The following APOB variants were observed in gnomAD, a reference collection of about 807,000 sequenced individuals.
APOB encodes apolipoprotein B, also known as apolipoprotein B-100.
In APOB, 153 loss-of-function variants were observed where a neutral mutation model predicts 314.1. The observed-to-expected ratio is 0.49, with a 90% CI of 0.43 to 0.56. The LOEUF is 0.56. APOB is among the 20% of genes least tolerant of loss of function. The probability of loss-of-function intolerance (pLI) is 0.00; values close to 1 mark genes in which losing one functional copy is unlikely to be tolerated. For missense variants in APOB, 5,430 were observed against 5,350.7 expected (o/e 1.01, Z -0.46); for synonymous variants, 2,087 against 2,036.4 (o/e 1.02, Z -0.67).
rs558562202 is a variant in APOB, at chr2:21,012,900, T to C, written c.4217-249A>G. 2.1e-3 allele frequency among the ~76,000 whole-genome samples: 316 copies of C among 152,364 alleles called. 5 individuals carry two copies. The highest frequency in any genetic ancestry group is 7.3e-3 in the African/African-American group (305 of 41,586). On this transcript the variant is annotated intron_variant, in intron 25 of 28. Transcript: ENST00000233242. Reference sequence around the variant, plus strand: ...TCCACTCTACCTTATACTTATATACTACACTTTATCATAGCACCTCTCACA... The same window carrying C: ...TCCACTCTACCTTATACTTATATACCACACTTTATCATAGCACCTCTCACA...
At chr2:21,037,887 T>C in intron 5 of APOB, 71 bp downstream of exon 5, 3 of 1,569,284 alleles carry the variant, frequency 1.9e-6, no homozygotes. Flanking sequence ...GCTTTGTATA[T>C]GGTAGGACTG....
chr2:21,035,856 A>C, intron 6 of APOB, 148 bp from the exon 7 acceptor site: 2 of 859,428 alleles, frequency 2.3e-6, no homozygotes, highest in African/African-American at 3.3e-5. Context: ...CATTTAGACC[A>C]GGGGGTGCAA....
rs1384520566 is a variant in APOB, at chr2:21,009,481, C to G, written c.7387G>C (p.Ala2463Pro). The G allele has an allele frequency of 1.2e-6, 2 of 1,614,052 alleles. No homozygotes were observed. Among genetic ancestry groups the G allele is most frequent in the Non-Finnish European group, 1.7e-6 (2 of 1,179,978 alleles). The part of the protein sequence containing the change: ...EIQALELPQK[A>P]EALKLFLEET... ...TCTAAAAACAGTTTTAATGCTTCAGCTTTTTGTGGTAGTTCCAGAGCCTGA... is the reference window on the plus strand; with the variant it reads ...TCTAAAAACAGTTTTAATGCTTCAGGTTTTTGTGGTAGTTCCAGAGCCTGA... The change falls in exon 26 of 29, where the codon GCT becomes CCT. Residue 2463 changes from alanine (A) to proline (P), a missense_variant. Ala to Pro is a conservative substitution (Grantham distance 27). Transcript: ENST00000233242.
intron 3 of APOB, among the ~76,000 whole-genome samples, chr2:21,042,046 G>C (rs1664144359): frequency 6.6e-6 from 1 of 152,022 alleles, no homozygotes; most frequent in Non-Finnish European, 1.5e-5. Context: ...TCACCTACTG[G>C]GCCTCTCTCA....
rs1459816013 is a variant in APOB at position 21,022,924 on chromosome 2, T to C, written c.2723A>G (p.Glu908Gly). The C allele has an allele frequency of 9.9e-6, 16 of 1,614,050 alleles. No homozygotes were observed. Among genetic ancestry groups the C allele is most frequent in the Non-Finnish European group, 1.4e-5 (16 of 1,180,036 alleles). Residue 908 changes from glutamate to glycine, a missense_variant, in exon 18 of 29, where the codon GAG becomes GGG. Physicochemically the swap from Glu to Gly is moderately conservative, Grantham distance 98 (BLOSUM62 -2). Coordinates refer to ENST00000233242, the MANE Select transcript of APOB (RefSeq NM_000384.3). ...GGCAACATGAGCCTCCAGACCCGAC[T>C]CGTGGAAGAAGTTGGTGTTCATCTG... Reference protein sequence around the residue: ...GVQMNTNFFHESGLEAHVALK... With the variant: ...GVQMNTNFFHGSGLEAHVALK...
intron 28 of APOB, 114 bp downstream of exon 28, chr2:21,004,155 G>C: frequency 9.0e-7 from 1 of 1,107,974 alleles, no homozygotes; most frequent in Non-Finnish European, 1.3e-6. Context: ...GTTGCTTACC[G>C]CCTGTCTTTC....
chr2:21,013,018 T>A, intron 25 of APOB, 142 bp downstream of exon 25: 3 of 987,322 alleles, frequency 3.0e-6, no homozygotes, highest in Non-Finnish European at 3.0e-6. Context: ...TATTTCTATT[T>A]GTTGAATAAA....
chr2:21,036,568 GT>G (rs1210008292), intron 6 of APOB, among the ~76,000 whole-genome samples: 1 of 152,182 alleles, frequency 6.6e-6, no homozygotes, highest in African/African-American at 2.4e-5. Flanking sequence ...CTCCAGGCCG[GT>G]GGCAGTGGGG....
In APOB at chr2:21,008,473, A is replaced by G; in HGVS notation, c.8395T>C (p.Ser2799Pro). 6.2e-7 allele frequency: 1 copy of G among 1,613,388 alleles called. No homozygotes were observed. Among genetic ancestry groups the G allele is most frequent in the Non-Finnish European group, 8.5e-7 (1 of 1,179,814 alleles). ...TCAAAATTGAGAACTTCTAATTTGG[A>G]CTCTCCTTTGGCAGTGATGGAAGCT... ...IAASITAKGESKLEVLNFDFQ... is the reference protein window; with the variant it reads ...IAASITAKGEPKLEVLNFDFQ... Residue 2799 changes from serine to proline, a missense_variant, in exon 26 of 29, where the codon TCC becomes CCC. Physicochemically the swap from Ser to Pro is moderately conservative, Grantham distance 74 (BLOSUM62 -1). Transcript: ENST00000233242.
Position 21,019,742 on chromosome 2 carries a change from G to A in APOB, c.2980C>T (p.Pro994Ser). The change falls in exon 19 of 29, where the codon CCG (proline) becomes TCG (serine). Residue 994 changes from proline (P) to serine (S), a missense_variant. Pro to Ser is a moderately conservative substitution (Grantham distance 74, BLOSUM62 -1). This residue lies in a region of APOB where 2,085 missense variants were observed against 2,079.7 expected (regional missense o/e 1.00). Transcript: ENST00000233242. ...ASSTDSASYYPLTGDTRLELE... is the reference protein window; with the variant it reads ...ASSTDSASYYSLTGDTRLELE... ...TCTAACCTGGTGTCCCCGGTCAGCG[G>A]ATAGTAGGAGGCGGAGTCTGTGGAG... 6.2e-7 allele frequency: 1 copy of A among 1,614,140 alleles called. No individual in the cohort carries two copies. Among genetic ancestry groups the A allele is most frequent in the Non-Finnish European group, 8.5e-7 (1 of 1,180,018 alleles).
At chr2:21,029,267 T>C (rs1206999019) in intron 12 of APOB, among the ~76,000 whole-genome samples, 2 of 152,164 alleles carry the variant, frequency 1.3e-5, no homozygotes, top group African/African-American at 2.4e-5. Context: ...CTGGCCAACA[T>C]GGCAAAACTC....
chr2:21,041,320 T>C (rs1338387449), intron 3 of APOB, among the ~76,000 whole-genome samples: 1 of 152,236 alleles, frequency 6.6e-6, no homozygotes, highest in African/African-American at 2.4e-5. Flanking sequence ...TTTCTTAAGT[T>C]TGCCCCTAGG....
rs12714215 is a variant in APOB at position 21,028,656 on chromosome 2, A to G, written c.1618-118T>C. 672 of 726,042 alleles carry G rather than the reference A, an allele frequency of 9.3e-4. 3 individuals are homozygous for G. In the African/African-American group the frequency reaches 0.01, roughly 11 times the overall value. The allele number at this position is 726,042 out of a possible 1,614,324, so 45.0% of individuals were successfully genotyped here. Reference sequence around the variant, plus strand: ...TAAGCACAGGTCTAATTTCTCTGTAATCGTTCTTCAAATGCTGGTATTGAA... The same window carrying G: ...TAAGCACAGGTCTAATTTCTCTGTAGTCGTTCTTCAAATGCTGGTATTGAA... On this transcript the variant is annotated intron_variant, in intron 12 of 28. Coordinates refer to ENST00000233242, the MANE Select transcript of APOB (RefSeq NM_000384.3).
intron 12 of APOB, among the ~76,000 whole-genome samples, chr2:21,029,128 T>C (rs1292622348): frequency 6.6e-6 from 1 of 152,136 alleles, no homozygotes; most frequent in African/African-American, 2.4e-5. Context: ...GGCAGTCAAG[T>C]CAATAGGCTT....
Position 21,007,331 on chromosome 2 carries a change from T to C in APOB, c.9537A>G (p.Lys3179=). 6.2e-7 allele frequency: 1 copy of C among 1,614,052 alleles called. No individual in the cohort carries two copies. The highest frequency in any genetic ancestry group is 1.1e-5 in the South Asian group (1 of 91,076). The part of the protein sequence containing the change: ...FDLSVKAQYK[K]NKHRHSITNP... Reference sequence around the variant, plus strand: ...TTGTGATGGAATGCCTGTGTTTGTTTTTCTTATACTGAGCTTTTACACTTA... The same window carrying C: ...TTGTGATGGAATGCCTGTGTTTGTTCTTCTTATACTGAGCTTTTACACTTA... The change falls in exon 26 of 29, where the codon AAA becomes AAG. Residue 3179 remains lysine (K), a synonymous_variant. Coordinates refer to ENST00000233242, the MANE Select transcript of APOB (RefSeq NM_000384.3).
chr2:21,001,968 T>G lies in APOB; in HGVS notation c.13454A>C (p.Lys4485Thr), dbSNP rs771286073. Residue 4485 changes from lysine (K) to threonine (T), a missense_variant, in exon 29 of 29, where the codon AAG becomes ACG. By Grantham distance (78) the Lys-to-Thr change is moderately conservative (BLOSUM62 -1). Coordinates refer to ENST00000233242, the MANE Select transcript of APOB (RefSeq NM_000384.3). ...CTGGTGGTAATCAGAAATTATTTTCTTCGTCGCAATGGCCTGGCTTTTAAT... is the reference window on the plus strand; with the variant it reads ...CTGGTGGTAATCAGAAATTATTTTCGTCGTCGCAATGGCCTGGCTTTTAAT... ...EIIKSQAIATKKIISDYHQQF... is the reference protein window; with the variant it reads ...EIIKSQAIATTKIISDYHQQF... The G allele has an allele frequency of 1.1e-5, 18 of 1,613,946 alleles. No homozygotes were observed. The highest frequency in any genetic ancestry group is 9.3e-6 in the Non-Finnish European group (11 of 1,179,992).
In APOB at chr2:21,040,925, C is replaced by T. The variant is rs571419902; in HGVS notation, c.383+13G>A. Reference sequence around the variant, plus strand: ...ACACACACATGCGTGTGCTCATGTACAACATGACTTACCTGGACATGGCTG... The same window carrying T: ...ACACACACATGCGTGTGCTCATGTATAACATGACTTACCTGGACATGGCTG... On this transcript the variant is annotated intron_variant, in intron 4 of 28. Coordinates refer to ENST00000233242, the MANE Select transcript of APOB (RefSeq NM_000384.3). The T allele has an allele frequency of 7.4e-6, 12 of 1,613,870 alleles. No individual in the cohort carries two copies. In the South Asian group the frequency reaches 8.8e-5, roughly 12 times the overall value.
Position 21,034,186 on chromosome 2 carries a change from T to C in APOB, c.904+630A>G, listed in dbSNP as rs1420083356. Among the ~76,000 whole-genome samples, 4 of 152,334 alleles carry C rather than the reference T, an allele frequency of 2.6e-5. No individual in the cohort carries two copies. In the East Asian group the frequency reaches 7.7e-4, roughly 29 times the overall value. ...TGGTGTAATGAGAATAGTCCTGGCT[T>C]AGATTACAACCTGGCACTTATTTTC... is the stretch of plus-strand genomic sequence containing the variant. On this transcript the variant is annotated intron_variant, in intron 8 of 28. Coordinates refer to ENST00000233242, the MANE Select transcript of APOB (RefSeq NM_000384.3).
At chr2:21,042,531 A>C in intron 2 of APOB, 55 bp from the exon 3 acceptor site, 1 of 1,380,074 alleles carries the variant, frequency 7.2e-7, no homozygotes, top group South Asian at 1.2e-5. Flanking sequence ...TCCCAAGGAC[A>C]GCCAATTCTG....
Sources: gnomAD v4.1 joint callset for allele counts (sites outside exome capture counted in the v4.1 genomes callset) on GRCh38, gnomAD v4.1.1 for gene constraint, gnomAD v4.1.1 regional missense constraint, MANE v1.5 for transcripts, NCBI Gene and HGNC (gene_info 2026-07-23, HGNC 2026-07-21) for gene names.